The following PLAAT5 variants were observed in gnomAD, a reference collection of about 807,000 sequenced individuals.
PLAAT5 encodes the protein phospholipase A and acyltransferase 5, also known as Ca(2+)-independent N-acyltransferase.
A neutral mutation model predicts 27.8 loss-of-function variants in PLAAT5; 27 were observed. The ratio of observed to expected loss-of-function variants is 0.97; its 90% confidence interval spans 0.72 to 1.34. The LOEUF (loss-of-function observed/expected upper bound fraction) is 1.34. PLAAT5 is among the 40% of genes most tolerant of loss of function. The probability of loss-of-function intolerance (pLI) is 0.00; values close to 1 mark genes in which losing one functional copy is unlikely to be tolerated. For synonymous variants in PLAAT5, 125 were observed against 136.1 expected (o/e 0.92, Z 0.57); for missense variants, 368 against 343.8 (o/e 1.07, Z -0.56).
intron 3 of PLAAT5, among the ~76,000 whole-genome samples, chr11:63,484,903 T>A (rs994526884): frequency 2.6e-5 from 4 of 152,002 alleles, no homozygotes; most frequent in Admixed American, 6.6e-5. Context: ...TAAAGCCTAA[T>A]CCAAAAAGTC....
At chr11:63,477,489 T>G (rs1029512016) in intron 3 of PLAAT5, among the ~76,000 whole-genome samples, 1 of 152,198 alleles carries the variant, frequency 6.6e-6, no homozygotes, top group Admixed American at 6.5e-5. Flanking sequence ...TTTATTTATT[T>G]TTTTGAGACA....
chr11:63,472,050 G>A (rs2016039540), intron 3 of PLAAT5, among the ~76,000 whole-genome samples: 1 of 152,134 alleles, frequency 6.6e-6, no homozygotes, highest in South Asian at 2.1e-4. Context: ...CAGGGTGGGG[G>A]TTGGAGGAGG....
intron 5 of PLAAT5, among the ~76,000 whole-genome samples, chr11:63,464,513 G>A (rs1316886450): frequency 2.0e-5 from 3 of 151,980 alleles, no homozygotes; most frequent in African/African-American, 7.3e-5. Flanking sequence ...AAAATTAGCT[G>A]GGCATGGTGG....
At chr11:63,479,773 G>A (rs890217264) in intron 3 of PLAAT5, among the ~76,000 whole-genome samples, 1 of 152,160 alleles carries the variant, frequency 6.6e-6, no homozygotes, top group African/African-American at 2.4e-5. Context: ...AAATGCCCAT[G>A]GACAAAAGAT....
At chr11:63,488,199 T>C (rs1033310835) in intron 3 of PLAAT5, among the ~76,000 whole-genome samples, 1 of 152,124 alleles carries the variant, frequency 6.6e-6, no homozygotes, top group Admixed American at 6.5e-5. Flanking sequence ...GCACATACAA[T>C]ATGATTTCAT....
chr11:63,489,099 C>A (rs1007627858), intron 2 of PLAAT5, 123 bp from the exon 3 acceptor site: 5 of 587,034 alleles, frequency 8.5e-6, no homozygotes, highest in African/African-American at 7.7e-5. Context: ...GGAACATTTC[C>A]CCCCGTTTGT....
At chr11:63,463,783 T>C (rs2015782035) in intron 5 of PLAAT5, among the ~76,000 whole-genome samples, 188 bp from the exon 6 acceptor site, 1 of 152,186 alleles carries the variant, frequency 6.6e-6, no homozygotes, top group African/African-American at 2.4e-5. Context: ...AAAGCCAGGA[T>C]TGTTGGAGAC....
At position 63,476,605 on chromosome 11, in the gene PLAAT5, C is replaced by T. The variant is rs145234066; in HGVS notation, c.346-8140G>A. ...TTTTTTATTGTGCATCTCTTGTATA[C>T]AATAAGTCTTTTTTTCTCTTGCTGT... On this transcript the variant is annotated intron_variant, in intron 3 of 5. Coordinates refer to ENST00000540857, the MANE Select transcript of PLAAT5 (RefSeq NM_001146729.2). Among the ~76,000 whole-genome samples, 664 of 152,174 alleles carry T rather than the reference C, an allele frequency of 4.4e-3. 4 individuals carry two copies. The highest frequency in any genetic ancestry group is 0.014 in the African/African-American group (570 of 41,532).
chr11:63,471,145 A>C (rs899823996), intron 3 of PLAAT5, among the ~76,000 whole-genome samples: 8 of 152,238 alleles, frequency 5.3e-5, no homozygotes, highest in Admixed American at 5.2e-4. Context: ...TTGCAGATGC[A>C]GTAAATGTGA....
chr11:63,465,292 A>G (rs11231498), intron 5 of PLAAT5, among the ~76,000 whole-genome samples: 21,762 of 151,784 alleles, frequency 0.14, 2,503 homozygotes, highest in African/African-American at 0.29. Context: ...AAAAAGAGAG[A>G]GAGAGAGAAG....
intron 3 of PLAAT5, among the ~76,000 whole-genome samples, chr11:63,475,657 C>A (rs1328107812): frequency 6.6e-6 from 1 of 151,296 alleles, no homozygotes; most frequent in African/African-American, 2.4e-5. Flanking sequence ...TACTGTCAAT[C>A]TTCTGTACAT....
chr11:63,490,447 T>C lies in PLAAT5; in HGVS notation c.149-114A>G. The stretch of plus-strand genomic sequence containing the variant: ...CTAGTCTAGCATCGTGCCTGGCCCC[T>C]GGTTAGGCCTCAGAAAATCTTGGGA... On this transcript the variant is annotated intron_variant, in intron 1 of 5. Coordinates refer to ENST00000540857, the MANE Select transcript of PLAAT5 (RefSeq NM_001146729.2). The C allele has an allele frequency of 3.3e-6, 5 of 1,535,994 alleles. No individual in the cohort carries two copies. In the South Asian group the frequency reaches 4.6e-5, roughly 14 times the overall value.
At chr11:63,473,491 A>G (rs74980601) in intron 3 of PLAAT5, among the ~76,000 whole-genome samples, 1,864 of 152,274 alleles carry the variant, frequency 0.012, 34 homozygotes, top group African/African-American at 0.041. Flanking sequence ...ATATGTCTGA[A>G]GTATACCTGT....
rs1214083173 is a variant in PLAAT5, at chr11:63,463,610, A to T, written c.718-15T>A. The T allele has an allele frequency of 5.6e-6, 9 of 1,608,282 alleles. No homozygotes were observed. The African/African-American group carries it at 8.0e-5, about 14-fold the overall frequency. On this transcript the variant is annotated splice_polypyrimidine_tract_variant and intron_variant, in intron 5 of 5. Transcript: ENST00000540857. Reference sequence around the variant, plus strand: ...GCGTGCTCTACCTGCAAAGCACATCAGTTCACAGGACAATCAGTACCAATC... The same window carrying T: ...GCGTGCTCTACCTGCAAAGCACATCTGTTCACAGGACAATCAGTACCAATC...
At chr11:63,465,372 G>GTT (rs1491291167) in intron 5 of PLAAT5, among the ~76,000 whole-genome samples, 2 of 5,122 alleles carry the variant, frequency 3.9e-4, no homozygotes, top group African/African-American at 7.3e-3. Context: ...CAAACAAAAA[G>GTT]TGTGTGTGTG....
At chr11:63,479,537 G>T (rs997528348) in intron 3 of PLAAT5, among the ~76,000 whole-genome samples, 7 of 152,284 alleles carry the variant, frequency 4.6e-5, no homozygotes, top group African/African-American at 1.7e-4. Context: ...ACAGATTTTT[G>T]ATTCATAGAT....
intron 3 of PLAAT5, among the ~76,000 whole-genome samples, chr11:63,477,425 TCA>T (rs1225837527): frequency 6.6e-6 from 1 of 152,192 alleles, no homozygotes; most frequent in Non-Finnish European, 1.5e-5. Flanking sequence ...TCTGTTTGTC[TCA>T]CAGCATGTAA....
rs138114125 is a variant in PLAAT5 at position 63,486,415 on chromosome 11, A to ATGTG, written c.345+2452_345+2455dup. Among the ~76,000 whole-genome samples, 726 of 152,242 alleles carry ATGTG rather than the reference A, an allele frequency of 4.8e-3. 8 individuals carry two copies. The highest frequency in any genetic ancestry group is 0.017 in the African/African-American group (693 of 41,552). ...ATCAACCAATGAGTGGACAAAGAAAATGTGGTATATATATATATGCACACA... is the reference window on the plus strand; with the variant it reads ...ATCAACCAATGAGTGGACAAAGAAAATGTGTGTGGTATATATATATATGCACACA... On this transcript the variant is annotated intron_variant, in intron 3 of 5. Transcript: ENST00000540857.
chr11:63,482,030 C>T (rs1217428955), intron 3 of PLAAT5, among the ~76,000 whole-genome samples: 1 of 151,882 alleles, frequency 6.6e-6, no homozygotes, highest in Non-Finnish European at 1.5e-5. Flanking sequence ...ACGTTGTGCA[C>T]ATGTACCCTA....
Sources: gnomAD v4.1 joint callset for allele counts (sites outside exome capture counted in the v4.1 genomes callset) on GRCh38, gnomAD v4.1.1 for gene constraint, MANE v1.5 for transcripts, NCBI Gene and HGNC (gene_info 2026-07-23, HGNC 2026-07-21) for gene names.